The following NACC2 variants were observed in gnomAD, a reference collection of about 807,000 sequenced individuals.
NACC2 encodes the protein NACC family member 2.
A neutral mutation model predicts 25.1 loss-of-function variants in NACC2; 8 were observed. That is an observed-to-expected ratio of 0.32 (90% CI 0.19 to 0.57). The LOEUF (loss-of-function observed/expected upper bound fraction) is 0.57. NACC2 is among the 20% of genes least tolerant of loss of function. The pLI is 0.89. For missense variants in NACC2, 644 were observed against 650.2 expected (o/e 0.99, Z 0.10); for synonymous variants, 435 against 294.7 (o/e 1.48, Z -4.88).
In NACC2 at chr9:136,071,377, T is replaced by C. The variant is rs186693815; in HGVS notation, c.-59-20797A>G. On this transcript the variant is annotated intron_variant, in intron 1 of 5. Transcript: ENST00000277554. ...GGCCAACATGGTGAAACCCCGTCTC[T>C]ACTAAAGATATGAAAATTAGTTGAG... 3.9e-5 allele frequency among the ~76,000 whole-genome samples: 6 copies of C among 152,042 alleles called. No individual in the cohort carries two copies. The East Asian group carries it at 1.2e-3, about 29-fold the overall frequency.
At chr9:136,030,386 G>A (rs1208092534) in intron 2 of NACC2, among the ~76,000 whole-genome samples, 1 of 152,084 alleles carries the variant, frequency 6.6e-6, no homozygotes, top group Admixed American at 6.5e-5. Context: ...AAGGCAGGCA[G>A]ATCACGAGGT....
intron 1 of NACC2, among the ~76,000 whole-genome samples, chr9:136,089,603 T>C (rs1449571922): frequency 6.8e-6 from 1 of 148,038 alleles, no homozygotes; most frequent in Non-Finnish European, 1.5e-5. Context: ...CCCCAACTCA[T>C]GTACCTCTAC....
At chr9:136,076,415 C>T (rs893118571) in intron 1 of NACC2, among the ~76,000 whole-genome samples, 14 of 152,150 alleles carry the variant, frequency 9.2e-5, no homozygotes, top group African/African-American at 3.4e-4. Context: ...ACCTCAAAGA[C>T]ACTATGCCGA....
intron 1 of NACC2, 95 bp from the exon 2 acceptor site, chr9:136,050,675 T>G: frequency 1.6e-6 from 1 of 642,606 alleles, no homozygotes; most frequent in Non-Finnish European, 2.8e-6. Context: ...GCCGGGGGCT[T>G]ACAAAGAGCG....
chr9:136,056,994 G>A (rs1840934304), intron 1 of NACC2, among the ~76,000 whole-genome samples: 1 of 152,236 alleles, frequency 6.6e-6, no homozygotes, highest in South Asian at 2.1e-4. Flanking sequence ...ACAGCAGGGG[G>A]TCTCTGGACA....
rs1272115534 is a variant in NACC2, at chr9:136,010,964, ACC to A, written c.*550_*551del. 1 of 152,250 alleles carries A rather than the reference ACC, an allele frequency of 6.6e-6. No individual in the cohort carries two copies. Among genetic ancestry groups the A allele is most frequent in the Non-Finnish European group, 1.5e-5 (1 of 68,174 alleles). 9.4% of individuals were successfully genotyped at this position (152,250 alleles called of 1,614,324 possible). A position where few individuals can be genotyped will look rare whatever the true frequency, so the allele number is the denominator to read the frequency against. On this transcript the variant is annotated 3_prime_UTR_variant, in exon 6 of 6. Transcript: ENST00000277554. The surrounding 1 kb of genome is among the most constrained non-coding windows in gnomAD (Gnocchi z 4.9). Reference sequence around the variant, plus strand: ...CGCACACACACACACTCGTGCACACACCCCACACAGGTGGAAGGCCCGGTGGG... The same window carrying A: ...CGCACACACACACACTCGTGCACACACCACACAGGTGGAAGGCCCGGTGGG...
intron 1 of NACC2, among the ~76,000 whole-genome samples, chr9:136,066,485 C>G (rs1402432692): frequency 6.6e-6 from 1 of 152,058 alleles, no homozygotes; most frequent in African/African-American, 2.4e-5. Context: ...TGGCTATAAT[C>G]AAAAAGACAG....
intron 2 of NACC2, among the ~76,000 whole-genome samples, chr9:136,034,658 A>T (rs1266472106): frequency 5.1e-5 from 7 of 138,562 alleles, no homozygotes; most frequent in African/African-American, 2.2e-4. Flanking sequence ...AAATGCTTTA[A>T]AAAAAAAAAA....
At chr9:136,035,394 G>A (rs1244077938) in intron 2 of NACC2, among the ~76,000 whole-genome samples, 1 of 151,932 alleles carries the variant, frequency 6.6e-6, no homozygotes, top group African/African-American at 2.4e-5. Flanking sequence ...CCCCAGTCCT[G>A]AGGAGAAACC....
At chr9:136,021,366 C>T (rs1331965222) in intron 2 of NACC2, among the ~76,000 whole-genome samples, 1 of 152,218 alleles carries the variant, frequency 6.6e-6, no homozygotes, top group Non-Finnish European at 1.5e-5. Flanking sequence ...AACACCGACG[C>T]CAAGTGCCGG....
intron 2 of NACC2, among the ~76,000 whole-genome samples, chr9:136,045,417 G>A (rs4842089): frequency 0.055 from 8,395 of 152,142 alleles, 477 homozygotes; most frequent in East Asian, 0.2. Context: ...TACCGTGGAA[G>A]TGTGCAGCTG....
Position 136,012,034 on chromosome 9 carries a change from CG to C in NACC2, c.1256-11del. The C allele has an allele frequency of 8.5e-6, 13 of 1,535,504 alleles. No homozygotes were observed. The highest frequency in any genetic ancestry group is 1.1e-5 in the Non-Finnish European group (13 of 1,141,120). On this transcript the variant is annotated splice_polypyrimidine_tract_variant and intron_variant, in intron 5 of 5. Transcript: ENST00000277554. Reference sequence around the variant, plus strand: ...AAGTTCTGACAGTACACTGTGAGGACGGGGCGGCGTGAGCTCAGCCACCTGC... The same window carrying C: ...AAGTTCTGACAGTACACTGTGAGGACGGGCGGCGTGAGCTCAGCCACCTGC...
At chr9:136,085,188 C>T (rs1192981153) in intron 1 of NACC2, among the ~76,000 whole-genome samples, 2 of 101,436 alleles carry the variant, frequency 2.0e-5, no homozygotes, top group African/African-American at 7.5e-5. Flanking sequence ...TCGCTCTTGT[C>T]GCCCAGGCTG....
intron 1 of NACC2, among the ~76,000 whole-genome samples, chr9:136,080,158 A>T (rs1212228771): frequency 6.6e-6 from 1 of 152,132 alleles, no homozygotes; most frequent in Non-Finnish European, 1.5e-5. Flanking sequence ...GTTTGACCAC[A>T]AGGGCCTCCT....
At chr9:136,053,043 C>G (rs1477167817) in intron 1 of NACC2, among the ~76,000 whole-genome samples, 5 of 152,270 alleles carry the variant, frequency 3.3e-5, no homozygotes, top group African/African-American at 4.8e-5. Flanking sequence ...GGGCAGGGTC[C>G]AGGCTCGAGG....
chr9:136,065,201 C>G (rs1841065732), intron 1 of NACC2, among the ~76,000 whole-genome samples: 1 of 152,168 alleles, frequency 6.6e-6, no homozygotes, highest in South Asian at 2.1e-4. Context: ...AAAGAACAAA[C>G]CAGACCAGGT....
intron 3 of NACC2, among the ~76,000 whole-genome samples, 177 bp from the exon 4 acceptor site, chr9:136,014,146 G>A (rs1282184852): frequency 6.6e-6 from 1 of 152,092 alleles, no homozygotes; most frequent in African/African-American, 2.4e-5. Flanking sequence ...ACCAGGAGAG[G>A]CCATGGCCAA....
At chr9:136,075,592 C>T (rs1014961147) in intron 1 of NACC2, among the ~76,000 whole-genome samples, 6 of 152,240 alleles carry the variant, frequency 3.9e-5, no homozygotes, top group African/African-American at 1.4e-4. Context: ...CATAGGCCCA[C>T]ATTCAGGGTT....
chr9:136,011,915 G>C lies in NACC2; in HGVS notation c.1365C>G (p.Ile455Met), dbSNP rs1840117051. 4 of 1,594,246 alleles carry C rather than the reference G, an allele frequency of 2.5e-6. No individual in the cohort carries two copies. Residue 455 changes from isoleucine to methionine, a missense_variant, in exon 6 of 6, where the codon ATC becomes ATG. Physicochemically the swap from Ile to Met is conservative, Grantham distance 10 (BLOSUM62 1). Coordinates refer to ENST00000277554, the MANE Select transcript of NACC2 (RefSeq NM_144653.5). ...RRVRKRWLPK[I>M]KSMLPEGVEM... ...CCACGCCCTCCGGCAGCATGGACTTGATCTTGGGCAGCCAGCGCTTGCGAA... is the reference window on the plus strand; with the variant it reads ...CCACGCCCTCCGGCAGCATGGACTTCATCTTGGGCAGCCAGCGCTTGCGAA...
Sources: gnomAD v4.1 joint callset for allele counts (sites outside exome capture counted in the v4.1 genomes callset) on GRCh38, gnomAD v4.1.1 for gene constraint, Gnocchi (gnomAD v3.1) non-coding constraint, MANE v1.5 for transcripts, NCBI Gene and HGNC (gene_info 2026-07-23, HGNC 2026-07-21) for gene names.